Variants in NRIP1 observed in about 807,000 individuals in gnomAD.
NRIP1 encodes the protein nuclear receptor interacting protein 1.
In NRIP1, 28 loss-of-function variants were observed where a neutral mutation model predicts 75.0. The ratio of observed to expected loss-of-function variants is 0.37; its 90% CI spans 0.28 to 0.51. NRIP1 has a LOEUF of 0.51. NRIP1 is among the 20% of genes least tolerant of loss of function. The pLI is 0.92. For synonymous variants in NRIP1, 526 were observed against 487.6 expected, an observed-to-expected ratio of 1.08 and a Z score of -1.04; for missense variants, 1,435 against 1,343.7, an observed-to-expected ratio of 1.07 and a Z score of -1.06.
chr21:14,986,571 A>G (rs558383753), intron 3 of NRIP1, among the ~76,000 whole-genome samples: 3 of 152,214 alleles, frequency 2.0e-5, no homozygotes, highest in Non-Finnish European at 4.4e-5. Context: ...ATGTGGGTCC[A>G]GAAAAGATCT....
At position 14,962,924 on chromosome 21, in the gene NRIP1, T is replaced by C. The variant is rs757959725; in HGVS notation, c.*1792A>G. 2.0e-5 allele frequency: 3 copies of C among 152,474 alleles called. No individual in the cohort carries two copies. In the Admixed American group the frequency reaches 2.0e-4, roughly 10 times the overall value. 9.4% of individuals were successfully genotyped at this position (152,474 alleles called of 1,614,324 possible). Reference sequence around the variant, plus strand: ...ACTAGTAGTGATTATAGAATAATTTTTGATAGGTCATTTGCTAACCTGGTT... The same window carrying C: ...ACTAGTAGTGATTATAGAATAATTTCTGATAGGTCATTTGCTAACCTGGTT... On this transcript the variant is annotated 3_prime_UTR_variant, in exon 4 of 4. Coordinates refer to ENST00000318948, the MANE Select transcript of NRIP1 (RefSeq NM_003489.4).
At chr21:14,987,475 G>A (rs572805432) in intron 3 of NRIP1, among the ~76,000 whole-genome samples, 1 of 152,138 alleles carries the variant, frequency 6.6e-6, no homozygotes, top group Non-Finnish European at 1.5e-5. Context: ...CCACTGACCA[G>A]GTCTGTCACC....
chr21:15,025,099 T>C (rs2088484282), intron 2 of NRIP1, among the ~76,000 whole-genome samples: 1 of 152,126 alleles, frequency 6.6e-6, no homozygotes, highest in Non-Finnish European at 1.5e-5. Context: ...CACAAAAAGA[T>C]GCACTGTGGT....
At position 14,964,763 on chromosome 21, in the gene NRIP1, A is replaced by C. The variant is rs61733441; in HGVS notation, c.3430T>G (p.Tyr1144Asp). Residue 1144 changes from tyrosine (Y) to aspartate (D), a missense_variant, in exon 4 of 4, where the codon TAT becomes GAT. Transcript: ENST00000318948. ...GTTAGCACGCTTCCCAGAAGTCCAT[A>C]AACTTCTCCATTTGCGCTGTGTGGG... ...SRPHSANGEV[Y>D]GLLGSVLTIK... 1.2e-3 allele frequency: 1,840 copies of C among 1,582,388 alleles called. 2 individuals are homozygous for C. The highest frequency in any genetic ancestry group is 1.4e-3 in the Non-Finnish European group (1,602 of 1,170,136).
intron 3 of NRIP1, among the ~76,000 whole-genome samples, chr21:14,978,122 G>C (rs1236644503): frequency 6.6e-6 from 1 of 152,188 alleles, no homozygotes; most frequent in Non-Finnish European, 1.5e-5. Context: ...GAGTAAAATA[G>C]TGTCATTCAC....
chr21:15,033,287 G>A (rs2088754177), intron 2 of NRIP1, among the ~76,000 whole-genome samples: 1 of 151,450 alleles, frequency 6.6e-6, no homozygotes, highest in Admixed American at 6.6e-5. Flanking sequence ...GCTTAACGTA[G>A]GCTTAATTCC....
rs556323169 is a variant in NRIP1 at position 15,035,173 on chromosome 21, T to C, written c.-458+8322A>G. 6.1e-3 allele frequency among the ~76,000 whole-genome samples: 932 copies of C among 152,312 alleles called. 7 individuals are homozygous for C. Among genetic ancestry groups the C allele is most frequent in the African/African-American group, 0.021 (874 of 41,570 alleles). ...TAACTGTGGCTGTGACAGTAGCTGC[T>C]CTTAATGCCTACTCAAGAGGTAAAA... On this transcript the variant is annotated intron_variant, in intron 2 of 3. Transcript: ENST00000318948.
Position 14,966,106 on chromosome 21 carries a change from G to C in NRIP1, c.2087C>G (p.Pro696Arg), listed in dbSNP as rs2086730108. 6.2e-7 allele frequency: 1 copy of C among 1,612,282 alleles called. No homozygotes were observed. Residue 696 changes from proline (P) to arginine (R), a missense_variant, in exon 4 of 4, where the codon CCA (proline) becomes CGA (arginine). Pro to Arg is a moderately radical substitution (Grantham distance 103, BLOSUM62 -2). Transcript: ENST00000318948. ...TTCTATTTCAGAACCAGAAAGCCCT[G>C]GTTCAGGACCTGTTGGTTGACTACT... ...AFSSQPTGPE[P>R]GLSGSEIENL...
chr21:15,019,470 C>CTTTTTTTTTTTTTTT lies in NRIP1; in HGVS notation c.-457-5019_-457-5005dup, dbSNP rs539278321. On this transcript the variant is annotated intron_variant, in intron 2 of 3. Transcript: ENST00000318948. ...ACAAGATCCACAAACAACTGCATTT[C>CTTTTTTTTTTTTTTT]TTTTTTTTTTTTTTTTTTTTTTTTT... Among the ~76,000 whole-genome samples the CTTTTTTTTTTTTTTT allele has an allele frequency of 7.8e-5, 3 of 38,696 alleles. 1 individual carries two copies. In the East Asian group the frequency reaches 2.8e-3, roughly 36 times the overall value. 25.4% of individuals were successfully genotyped at this position (38,696 alleles called of 152,430 possible).
At chr21:15,018,439 A>C (rs2088288289) in intron 2 of NRIP1, among the ~76,000 whole-genome samples, 1 of 152,204 alleles carries the variant, frequency 6.6e-6, no homozygotes, top group South Asian at 2.1e-4. Context: ...TTTTACATAA[A>C]GTGATAAGGA....
At chr21:15,013,535 C>T (rs1057186972) in intron 3 of NRIP1, among the ~76,000 whole-genome samples, 14 of 152,254 alleles carry the variant, frequency 9.2e-5, no homozygotes, top group South Asian at 2.1e-4. Context: ...CTATTCACAA[C>T]GGATTATGAG....
chr21:15,039,269 G>T (rs1439757395), intron 2 of NRIP1, among the ~76,000 whole-genome samples: 1 of 152,102 alleles, frequency 6.6e-6, no homozygotes, highest in Non-Finnish European at 1.5e-5. Context: ...TCAAAAATGT[G>T]TTGGGGGTAG....
In NRIP1 at chr21:14,968,139, T is replaced by C. The variant is rs904761066; in HGVS notation, c.54A>G (p.Leu18=). ...GSDVHQDSIV[L]TYLEGLLMHQ... ...GCATTAGTAATCCTTCTAGGTAAGT[T>C]AAAACAATAGAATCCTGGTGCACAT... Residue 18 remains leucine (L), a synonymous_variant, in exon 4 of 4, where the codon TTA becomes TTG. Coordinates refer to ENST00000318948, the MANE Select transcript of NRIP1 (RefSeq NM_003489.4). 2.2e-5 allele frequency: 35 copies of C among 1,613,788 alleles called. No individual in the cohort carries two copies. The highest frequency in any genetic ancestry group is 2.8e-5 in the Non-Finnish European group (33 of 1,179,936).
At chr21:14,982,719 GT>G (rs10537533) in intron 3 of NRIP1, among the ~76,000 whole-genome samples, 53,337 of 129,446 alleles carry the variant, frequency 0.41, 9,571 homozygotes, top group African/African-American at 0.47. Flanking sequence ...TTTTTTTTTT[GT>G]TTTTTTTTTT....
In NRIP1 at chr21:14,962,197, A is replaced by C. The variant is rs2086610998; in HGVS notation, c.*2519T>G. On this transcript the variant is annotated 3_prime_UTR_variant, in exon 4 of 4. Coordinates refer to ENST00000318948, the MANE Select transcript of NRIP1 (RefSeq NM_003489.4). ...TCTAGATATCTAAAATAGTCCTTGA[A>C]AATGTGTATATGTGCATCCTTGTAT... 1 of 151,716 alleles carries C rather than the reference A, an allele frequency of 6.6e-6. No homozygotes were observed. The highest frequency in any genetic ancestry group is 2.1e-4 in the South Asian group (1 of 4,828). 9.4% of individuals were successfully genotyped at this position (151,716 alleles called of 1,614,324 possible). A position where few individuals can be genotyped will look rare whatever the true frequency, so the allele number is the denominator to read the frequency against.
chr21:15,012,629 T>A (rs1391302282), intron 3 of NRIP1, among the ~76,000 whole-genome samples: 2 of 151,892 alleles, frequency 1.3e-5, no homozygotes, highest in African/African-American at 4.8e-5. Flanking sequence ...ATATTTGTAT[T>A]TTTAGTAGAG....
chr21:14,993,602 G>A (rs142592568), intron 3 of NRIP1, among the ~76,000 whole-genome samples: 9 of 152,130 alleles, frequency 5.9e-5, no homozygotes, highest in Admixed American at 1.3e-4. Flanking sequence ...GCAACACAGC[G>A]AGACCCCATC....
chr21:15,032,148 A>T (rs1179550412), intron 2 of NRIP1, among the ~76,000 whole-genome samples: 1 of 152,248 alleles, frequency 6.6e-6, no homozygotes, highest in Non-Finnish European at 1.5e-5. Flanking sequence ...CCAAAGGGGT[A>T]ATTTTGAGTC....
rs1045240809 is a variant in NRIP1, at chr21:14,980,618, A to G, written c.-334-12092T>C. On this transcript the variant is annotated intron_variant, in intron 3 of 3. Transcript: ENST00000318948. ...TTATGAAACCAAGAGTTATGTGATC[A>G]ATGTTCTTACTGAAGCATTCTGGTC... is the stretch of plus-strand genomic sequence containing the variant. 2.0e-5 allele frequency among the ~76,000 whole-genome samples: 3 copies of G among 151,510 alleles called. 1 individual carries two copies. Among genetic ancestry groups the G allele is most frequent in the African/African-American group, 7.3e-5 (3 of 40,878 alleles).
Sources: allele counts gnomAD v4.1 joint callset (sites outside exome capture counted in the v4.1 genomes callset), GRCh38; gene constraint gnomAD v4.1.1; transcripts MANE v1.5; gene names NCBI Gene and HGNC (gene_info 2026-07-23, HGNC 2026-07-21).